The following CSMD1 variants were observed in gnomAD, a reference collection of about 807,000 sequenced individuals.
The protein encoded by CSMD1 is CUB and sushi domain-containing protein 1.
CSMD1 carries 213 observed loss-of-function variants against 417.5 expected under a neutral mutation model. The ratio of observed to expected loss-of-function variants is 0.51; its 90% CI spans 0.46 to 0.57. CSMD1 has a LOEUF of 0.57. Ranked by LOEUF, CSMD1 falls within the 20% of genes least tolerant of loss-of-function variation. The pLI is 0.00. For missense variants in CSMD1, 6,923 were observed against 4,529.7 expected, an observed-to-expected ratio of 1.53 and a Z score of -15.17; for synonymous variants, 2,862 against 1,736.8, an observed-to-expected ratio of 1.65 and a Z score of -16.11.
chr8:3,346,465 T>C (rs951509616), intron 22 of CSMD1, among the ~76,000 whole-genome samples: 1 of 152,232 alleles, frequency 6.6e-6, no homozygotes, highest in African/African-American at 2.4e-5. Flanking sequence ...AATGTGCTAG[T>C]TTCCTGCCTA....
At chr8:4,907,760 C>A (rs1169292749) in intron 1 of CSMD1, among the ~76,000 whole-genome samples, 1 of 150,142 alleles carries the variant, frequency 6.7e-6, no homozygotes, top group Non-Finnish European at 1.5e-5. Flanking sequence ...GAGATGGGGT[C>A]TTGCTTTGTT....
At chr8:3,852,870 A>T (rs957148541) in intron 5 of CSMD1, among the ~76,000 whole-genome samples, 2 of 152,096 alleles carry the variant, frequency 1.3e-5, no homozygotes, top group African/African-American at 2.4e-5. Flanking sequence ...CAATCCCTCC[A>T]GCATCCACGC....
At chr8:3,234,809 T>A (rs867466406) in intron 26 of CSMD1, among the ~76,000 whole-genome samples, 7 of 152,354 alleles carry the variant, frequency 4.6e-5, no homozygotes, top group Middle Eastern at 3.4e-3. Flanking sequence ...TTGGCCATCA[T>A]CTTGGTACCA....
At chr8:3,848,291 C>G (rs187070591) in intron 5 of CSMD1, among the ~76,000 whole-genome samples, 1 of 152,250 alleles carries the variant, frequency 6.6e-6, no homozygotes, top group Non-Finnish European at 1.5e-5. Flanking sequence ...GGAGCTCATT[C>G]TACTGCGATC....
intron 1 of CSMD1, among the ~76,000 whole-genome samples, chr8:4,663,601 G>C (rs1804741031): frequency 2.0e-5 from 3 of 152,066 alleles, no homozygotes; most frequent in Non-Finnish European, 4.4e-5. Flanking sequence ...TCTTCCTCTT[G>C]CTCCAGCCAA....
In CSMD1 at chr8:3,874,682, C is replaced by T. The variant is rs554731975; in HGVS notation, c.819-120640G>A. 1.1e-3 allele frequency among the ~76,000 whole-genome samples: 163 copies of T among 152,206 alleles called. 1 individual carries two copies. The highest frequency in any genetic ancestry group is 1.2e-3 in the African/African-American group (49 of 41,538). On this transcript the variant is annotated intron_variant, in intron 5 of 69. Transcript: ENST00000635120. ...TGTTTTTCTCTGTGGATGATGAAAA[C>T]TCTGCAAGTCCCTCCTACAACAAAT... is the stretch of plus-strand genomic sequence containing the variant.
intron 1 of CSMD1, among the ~76,000 whole-genome samples, chr8:4,986,659 T>C (rs1174182621): frequency 6.6e-6 from 1 of 151,990 alleles, no homozygotes; most frequent in Non-Finnish European, 1.5e-5. Context: ...TCCCCTGAAG[T>C]CTCCCCATAA....
chr8:3,578,741 G>T (rs887287293), intron 9 of CSMD1, among the ~76,000 whole-genome samples: 1 of 152,140 alleles, frequency 6.6e-6, no homozygotes, highest in African/African-American at 2.4e-5. Context: ...TTCTGACTGG[G>T]ACTGGACAAT....
At chr8:4,235,601 G>A (rs770682528) in intron 3 of CSMD1, among the ~76,000 whole-genome samples, 32 of 152,030 alleles carry the variant, frequency 2.1e-4, no homozygotes, top group Non-Finnish European at 4.0e-4. Flanking sequence ...TTCTCTCAGG[G>A]ATCTCATGAC....
intron 5 of CSMD1, among the ~76,000 whole-genome samples, chr8:3,939,808 A>G (rs958958138): frequency 6.6e-6 from 1 of 152,260 alleles, no homozygotes; most frequent in Non-Finnish European, 1.5e-5. Flanking sequence ...GTGAGAGCTA[A>G]GTTATGAGGA....
chr8:4,561,382 A>G (rs1041440286), intron 2 of CSMD1, among the ~76,000 whole-genome samples: 1 of 152,270 alleles, frequency 6.6e-6, no homozygotes, highest in Non-Finnish European at 1.5e-5. Flanking sequence ...CAAAAACAAA[A>G]CAAAACAAAA....
intron 5 of CSMD1, among the ~76,000 whole-genome samples, chr8:3,992,692 G>A (rs1420246780): frequency 1.3e-5 from 2 of 152,152 alleles, no homozygotes; most frequent in Admixed American, 6.5e-5. Context: ...AAGGTGGAAG[G>A]ATGGCTTCAG....
intron 11 of CSMD1, among the ~76,000 whole-genome samples, chr8:3,481,176 AAAAC>A (rs1256076075): frequency 2.0e-5 from 3 of 150,696 alleles, no homozygotes; most frequent in Admixed American, 6.6e-5. Context: ...AAAAAAAAAA[AAAAC>A]CAGAGTAGTT....
intron 5 of CSMD1, among the ~76,000 whole-genome samples, chr8:3,822,231 T>G (rs946803434): frequency 6.6e-6 from 1 of 152,180 alleles, no homozygotes; most frequent in Non-Finnish European, 1.5e-5. Context: ...ATGTGCCTGC[T>G]TCCATCACTT....
In CSMD1 at chr8:3,369,360, TC is replaced by T; in HGVS notation, c.2792del (p.Gly931GlufsTer24). On this transcript the variant is annotated frameshift_variant, in exon 19 of 70. Transcript: ENST00000635120. LOFTEE classifies it high-confidence loss of function. ...TTCCACTCTTCCCTTGGATGTAGCC[TC>T]CACATAGAGCTTAAAATAATAAAGA... ...HALPSCDALC[G>X]GYIQGKSGTV... 1 of 1,539,092 alleles carries T rather than the reference TC, an allele frequency of 6.5e-7. No homozygotes were observed. Among genetic ancestry groups the T allele is most frequent in the Non-Finnish European group, 9.0e-7 (1 of 1,113,262 alleles).
intron 1 of CSMD1, among the ~76,000 whole-genome samples, chr8:4,889,605 C>A (rs775014809): frequency 5.9e-5 from 9 of 151,774 alleles, no homozygotes; most frequent in Admixed American, 1.3e-4. Flanking sequence ...AGAAAAAAAA[C>A]CATAATGACT....
At chr8:4,215,560 T>C (rs549592592) in intron 3 of CSMD1, among the ~76,000 whole-genome samples, 11 of 152,200 alleles carry the variant, frequency 7.2e-5, no homozygotes, top group Non-Finnish European at 1.3e-4. Context: ...CTGATAATCA[T>C]AGATCAGGCA....
At chr8:4,226,589 G>A (rs62478839) in intron 3 of CSMD1, among the ~76,000 whole-genome samples, 14,772 of 152,008 alleles carry the variant, frequency 0.097, 950 homozygotes, top group Non-Finnish European at 0.14. Context: ...TATTAAAAGG[G>A]CTGTATTTTT....
intron 3 of CSMD1, among the ~76,000 whole-genome samples, chr8:4,188,407 G>A (rs549991175): frequency 1.3e-5 from 2 of 152,138 alleles, no homozygotes; most frequent in African/African-American, 2.4e-5. Flanking sequence ...TTCGTATATT[G>A]CCTCAGATTA....
Sources: allele counts gnomAD v4.1 joint callset (sites outside exome capture counted in the v4.1 genomes callset), GRCh38; gene constraint gnomAD v4.1.1; transcripts MANE v1.5; gene names NCBI Gene and HGNC (gene_info 2026-07-23, HGNC 2026-07-21).